The following UBR4 variants were observed in gnomAD, a reference collection of about 807,000 sequenced individuals.
The protein encoded by UBR4 is ubiquitin protein ligase E3 component n-recognin 4.
Under a neutral mutation model 575.6 loss-of-function variants are expected in UBR4, and 124 were observed. The ratio of observed to expected loss-of-function variants is 0.22; its 90% CI spans 0.19 to 0.25. The LOEUF is 0.25. Among genes scored for constraint, UBR4 ranks in the 10% least tolerant of loss-of-function variants. The pLI is 1.00. For synonymous variants in UBR4, 2,455 were observed against 2,473.7 expected, an observed-to-expected ratio of 0.99 and a Z score of 0.22; for missense variants, 4,818 against 6,478.8, an observed-to-expected ratio of 0.74 and a Z score of 8.80.
Position 19,179,178 on chromosome 1 carries a change from C to T in UBR4, c.2227G>A (p.Gly743Ser). The change falls in exon 18 of 106, where the codon GGC becomes AGC. Residue 743 changes from glycine to serine, a missense_variant. Coordinates refer to ENST00000375254, the MANE Select transcript of UBR4 (RefSeq NM_020765.3). ...GGGTGAATGTACAAGGGCCAAGGGC[C>T]CTCAGAAAAAGGAGCCACTCCTAGC... ...QQLGVAPFSE[G>S]PWPLYIHPQS... The T allele has an allele frequency of 6.3e-7, 1 of 1,590,084 alleles. No individual in the cohort carries two copies.
At chr1:19,128,757 A>G (rs2082095826) in intron 61 of UBR4, among the ~76,000 whole-genome samples, 1 of 152,258 alleles carries the variant, frequency 6.6e-6, no homozygotes, top group Non-Finnish European at 1.5e-5. Context: ...GGCTCTGTCA[A>G]TAACTACCTG....
chr1:19,149,488 CT>C (rs2085345071), intron 49 of UBR4, among the ~76,000 whole-genome samples: 2 of 152,152 alleles, frequency 1.3e-5, no homozygotes, highest in Admixed American at 1.3e-4. Context: ...CCCAAACCCC[CT>C]TTTCATCCAC....
chr1:19,201,579 T>C, intron 2 of UBR4, 139 bp downstream of exon 2: 1 of 608,002 alleles, frequency 1.6e-6, no homozygotes, highest in Non-Finnish European at 2.7e-6. Context: ...CTGACAGTTG[T>C]CTCTACTCTT....
At chr1:19,131,234 C>T (rs1201193429) in intron 60 of UBR4, among the ~76,000 whole-genome samples, 1 of 112,198 alleles carries the variant, frequency 8.9e-6, no homozygotes, top group Non-Finnish European at 1.7e-5. Context: ...ACACAGTACT[C>T]TTGAAACTTA....
chr1:19,162,917 C>G (rs1304383531), intron 34 of UBR4, among the ~76,000 whole-genome samples: 1 of 152,138 alleles, frequency 6.6e-6, no homozygotes, highest in African/African-American at 2.4e-5. Flanking sequence ...TAAAATCATT[C>G]AAGAAAAGAC....
intron 1 of UBR4, among the ~76,000 whole-genome samples, chr1:19,202,963 T>C (rs2092817968): frequency 6.6e-6 from 1 of 151,330 alleles, no homozygotes; most frequent in Non-Finnish European, 1.5e-5. Flanking sequence ...GCGCCTGTAA[T>C]CCCAGCTACT....
rs1356763029 is a variant in UBR4, at chr1:19,132,762, A to G, written c.8907-3688T>C. On this transcript the variant is annotated intron_variant, in intron 60 of 105. Transcript: ENST00000375254. ...CAAGACTGACAAAGAATAAGTTACTATTGTCAGAAATGAAAAAAAGCAAAT... is the reference window on the plus strand; with the variant it reads ...CAAGACTGACAAAGAATAAGTTACTGTTGTCAGAAATGAAAAAAAGCAAAT... Among the ~76,000 whole-genome samples the G allele has an allele frequency of 3.3e-5, 5 of 152,136 alleles. No homozygotes were observed. The East Asian group carries it at 9.6e-4, about 29-fold the overall frequency.
At chr1:19,078,895 A>G (rs1245214169) in intron 103 of UBR4, 1 of 152,224 alleles carries the variant, frequency 6.6e-6, no homozygotes, top group African/African-American at 2.4e-5. Flanking sequence ...ACACAGAAAT[A>G]TCAGGCTCCC....
Position 19,117,919 on chromosome 1 carries a change from G to A in UBR4, c.10542-9C>T, listed in dbSNP as rs758616276. On this transcript the variant is annotated splice_polypyrimidine_tract_variant and intron_variant, in intron 71 of 105. Coordinates refer to ENST00000375254, the MANE Select transcript of UBR4 (RefSeq NM_020765.3). This position sits in a 1 kb window ranked among gnomAD's most constrained non-coding sequence, Gnocchi z 4.0. ...CTAAGCCAGACAAAGTGCTAAGGAA[G>A]AAACCAGTCTTAGCATGAACACATT... The A allele has an allele frequency of 4.3e-6, 7 of 1,613,316 alleles. No individual in the cohort carries two copies. The highest frequency in any genetic ancestry group is 5.9e-6 in the Non-Finnish European group (7 of 1,179,232).
chr1:19,151,288 A>G lies in UBR4; in HGVS notation c.7213+355T>C, dbSNP rs1319933798. ...AGCCATTGCCAACCATCTCTCAGCC[A>G]TGTGTGACCTGAGGTCTTCCTCTGT... On this transcript the variant is annotated intron_variant, in intron 48 of 105. Coordinates refer to ENST00000375254, the MANE Select transcript of UBR4 (RefSeq NM_020765.3). The G allele has an allele frequency of 8.1e-6, 3 of 371,396 alleles. No homozygotes were observed. In the East Asian group the frequency reaches 1.8e-4, roughly 22 times the overall value. The allele number at this position is 371,396 out of a possible 1,614,324, so 23.0% of individuals were successfully genotyped here. A position where few individuals can be genotyped will look rare whatever the true frequency, so the allele number is the denominator to read the frequency against.
At position 19,172,916 on chromosome 1, in the gene UBR4, T is replaced by C. The variant is rs1479602727; in HGVS notation, c.3469A>G (p.Asn1157Asp). The change falls in exon 25 of 106, where the codon AAC becomes GAC. Residue 1157 changes from asparagine to aspartate, a missense_variant. Around this residue, in one of 29 missense-constraint regions of UBR4, gnomAD observed 1,172 missense variants for 1,259.7 expected, o/e 0.93. Coordinates refer to ENST00000375254, the MANE Select transcript of UBR4 (RefSeq NM_020765.3). ...AGTTGCAGCGTGGCTGGAAGTAGGTTCTTGGTAATCTCAGACGACTTATGA... is the reference window on the plus strand; with the variant it reads ...AGTTGCAGCGTGGCTGGAAGTAGGTCCTTGGTAATCTCAGACGACTTATGA... ...DPHKSSEITK[N>D]LLPATLQLID... The C allele has an allele frequency of 3.1e-6, 5 of 1,614,168 alleles. No homozygotes were observed. Among genetic ancestry groups the C allele is most frequent in the Admixed American group, 1.7e-5 (1 of 60,020 alleles).
At position 19,096,553 on chromosome 1, in the gene UBR4, T is replaced by C. The variant is rs1249272403; in HGVS notation, c.13488A>G (p.Arg4496=). The C allele has an allele frequency of 6.2e-7, 1 of 1,613,312 alleles. No homozygotes were observed. The highest frequency in any genetic ancestry group is 8.5e-7 in the Non-Finnish European group (1 of 1,179,714). The change falls in exon 92 of 106, where the codon AGA becomes AGG. Residue 4496 remains arginine (R), a synonymous_variant. Transcript: ENST00000375254. ...GAAGGTGGCGTCCCTGCTTGAAATC[T>C]CTGATCCCTGCGAGTCTGTTAAGCA... The part of the protein sequence containing the change: ...ECMLNRLAGI[R]DFKQGRHLLT...
In UBR4 at chr1:19,086,279, G is replaced by A. The variant is rs769241899; in HGVS notation, c.14688-9C>T. On this transcript the variant is annotated splice_polypyrimidine_tract_variant and intron_variant, in intron 100 of 105. Coordinates refer to ENST00000375254, the MANE Select transcript of UBR4 (RefSeq NM_020765.3). ...CCCGGCCTCGAGCCAACCTGGATAG[G>A]GAGGAGAGCAGGGACAAGCGACTGC... 4.7e-5 allele frequency: 74 copies of A among 1,572,942 alleles called. No individual in the cohort carries two copies. Among genetic ancestry groups the A allele is most frequent in the South Asian group, 1.1e-5 (1 of 90,506 alleles).
At chr1:19,149,322 A>G (rs2150213790) in intron 49 of UBR4, among the ~76,000 whole-genome samples, 1 of 152,340 alleles carries the variant, frequency 6.6e-6, no homozygotes, top group Middle Eastern at 3.4e-3. Context: ...AGAGAAAGAA[A>G]AGTATTCAGA....
chr1:19,076,931 G>T lies in UBR4; in HGVS notation c.15325-29C>A. On this transcript the variant is annotated intron_variant, in intron 104 of 105. Transcript: ENST00000375254. The stretch of plus-strand genomic sequence containing the variant: ...CGAGAATCAACAGGAGACAAGAGAG[G>T]TGGGTGACTTACTGCTGCCTCATCT... 3.3e-6 allele frequency: 5 copies of T among 1,524,294 alleles called. No individual in the cohort carries two copies. In the South Asian group the frequency reaches 5.3e-5, roughly 16 times the overall value. 94.4% of individuals were successfully genotyped at this position (1,524,294 alleles called of 1,614,324 possible).
chr1:19,139,772 G>A lies in UBR4; in HGVS notation c.8594-552C>T, dbSNP rs2083632164. ...TGGTTTTTTTAGCAAGTGGTCCAGA[G>A]GGGAGCTCATTGGGAAATTTCACAC... On this transcript the variant is annotated intron_variant, in intron 58 of 105. Coordinates refer to ENST00000375254, the MANE Select transcript of UBR4 (RefSeq NM_020765.3). This position sits in a 1 kb window ranked among gnomAD's most constrained non-coding sequence, Gnocchi z 4.2. Among the ~76,000 whole-genome samples the A allele has an allele frequency of 6.6e-6, 1 of 152,166 alleles. No individual in the cohort carries two copies. Among genetic ancestry groups the A allele is most frequent in the Admixed American group, 6.5e-5 (1 of 15,284 alleles).
intron 101 of UBR4, among the ~76,000 whole-genome samples, chr1:19,085,241 G>T (rs981918464): frequency 6.6e-6 from 1 of 152,176 alleles, no homozygotes; most frequent in Non-Finnish European, 1.5e-5. Context: ...TACATGCCTG[G>T]CCGGGCACAG....
At position 19,115,568 on chromosome 1, in the gene UBR4, C is replaced by T; in HGVS notation, c.10893G>A (p.Leu3631=). ...TPGQTEVKID[L]PLPIVASNLM... is the part of the protein sequence containing the mutation. ...GATTGGAGGCCACAATGGGCAACGGCAGGTCAATCTTCACCTCTGTCTGTC... is the reference window on the plus strand; with the variant it reads ...GATTGGAGGCCACAATGGGCAACGGTAGGTCAATCTTCACCTCTGTCTGTC... The change falls in exon 74 of 106, where the codon CTG becomes CTA. Residue 3631 remains leucine, a synonymous_variant. Coordinates refer to ENST00000375254, the MANE Select transcript of UBR4 (RefSeq NM_020765.3). 1 of 1,614,186 alleles carries T rather than the reference C, an allele frequency of 6.2e-7. No homozygotes were observed. The highest frequency in any genetic ancestry group is 8.5e-7 in the Non-Finnish European group (1 of 1,180,026).
In UBR4 at chr1:19,121,341, C is replaced by T. The variant is rs2081155009; in HGVS notation, c.9989G>A (p.Ser3330Asn). ...LQLLSCALCG[S>N]KVLAALAASS... ...GGCTGCCAGTGCAGCGAGCACCTTG[C>T]TGCCGCACAGAGCACAGGAGAGCAG... is the stretch of plus-strand genomic sequence containing the variant. The change falls in exon 68 of 106, where the codon AGC becomes AAC. Residue 3330 changes from serine to asparagine, a missense_variant. Physicochemically the swap from Ser to Asn is conservative, Grantham distance 46. Coordinates refer to ENST00000375254, the MANE Select transcript of UBR4 (RefSeq NM_020765.3). 3 of 1,614,092 alleles carry T rather than the reference C, an allele frequency of 1.9e-6. No homozygotes were observed. Among genetic ancestry groups the T allele is most frequent in the African/African-American group, 1.3e-5 (1 of 74,942 alleles).
Sources: allele counts gnomAD v4.1 joint callset (sites outside exome capture counted in the v4.1 genomes callset), GRCh38; gene constraint gnomAD v4.1.1; regional missense constraint gnomAD v4.1.1; non-coding constraint Gnocchi (gnomAD v3.1); transcripts MANE v1.5; gene names NCBI Gene and HGNC (gene_info 2026-07-23, HGNC 2026-07-21).